Variants in SLC16A7 observed in about 807,000 individuals in gnomAD.
SLC16A7 encodes monocarboxylate transporter 2.
SLC16A7 carries 33 observed loss-of-function variants against 34.9 expected under a neutral mutation model. The observed-to-expected ratio is 0.94, with a 90% CI of 0.72 to 1.26. The LOEUF (loss-of-function observed/expected upper bound fraction) is 1.26. Ranked by LOEUF, SLC16A7 falls within the 50% of genes most tolerant of loss-of-function variation. The pLI, the probability that SLC16A7 is intolerant of heterozygous loss-of-function variation, is 0.00. For synonymous variants in SLC16A7, 201 were observed against 206.6 expected (o/e 0.97, Z 0.23); for missense variants, 573 against 578.1 (o/e 0.99, Z 0.09).
chr12:59,775,110 C>T lies in SLC16A7; in HGVS notation c.815C>T (p.Ala272Val). ...CCCATTATATTCTTGGCTCCATATG[C>T]TAAAGACCAAGGAATTGATGAGTAC... Reference protein sequence around the residue: ...FAPIIFLAPYAKDQGIDEYSA... With the variant: ...FAPIIFLAPYVKDQGIDEYSA... Residue 272 changes from alanine to valine, a missense_variant, in exon 5 of 6, where the codon GCT (alanine) becomes GTT (valine). Coordinates refer to ENST00000547379, the MANE Select transcript of SLC16A7 (RefSeq NM_001270623.2). The T allele has an allele frequency of 6.2e-7, 1 of 1,614,106 alleles. No individual in the cohort carries two copies. Among genetic ancestry groups the T allele is most frequent in the South Asian group, 1.1e-5 (1 of 91,078 alleles).
At chr12:59,755,976 G>T (rs1375806733) in intron 3 of SLC16A7, among the ~76,000 whole-genome samples, 135 of 152,008 alleles carry the variant, frequency 8.9e-4, no homozygotes, top group Non-Finnish European at 1.5e-3. Flanking sequence ...ATCTGATCTT[G>T]GACAAACCTG....
intron 1 of SLC16A7, among the ~76,000 whole-genome samples, chr12:59,597,355 C>T (rs1310124428): frequency 6.6e-6 from 1 of 152,046 alleles, no homozygotes; most frequent in African/African-American, 2.4e-5. Context: ...TCCTCCTTCC[C>T]TCTTGGGTCC....
chr12:59,653,927 A>T (rs1868404279), intron 1 of SLC16A7, among the ~76,000 whole-genome samples: 1 of 151,428 alleles, frequency 6.6e-6, no homozygotes, highest in African/African-American at 2.4e-5. Context: ...GAACAATCTA[A>T]TTTTTCTTGA....
intron 1 of SLC16A7, among the ~76,000 whole-genome samples, chr12:59,633,331 A>G (rs982849772): frequency 7.9e-5 from 12 of 152,048 alleles, no homozygotes; most frequent in Admixed American, 7.9e-4. Context: ...CAGATACATC[A>G]GATACTAATG....
intron 1 of SLC16A7, among the ~76,000 whole-genome samples, chr12:59,631,591 G>A (rs1179299127): frequency 6.6e-6 from 1 of 151,932 alleles, no homozygotes; most frequent in Non-Finnish European, 1.5e-5. Context: ...GTGCAAATTT[G>A]TTACATAGGT....
chr12:59,738,760 T>C (rs1409102608), intron 3 of SLC16A7, among the ~76,000 whole-genome samples: 1 of 151,796 alleles, frequency 6.6e-6, no homozygotes, highest in East Asian at 1.9e-4. Context: ...ATTTAACACT[T>C]AGGTACAAAA....
At chr12:59,649,912 GCA>G (rs1371579609) in intron 1 of SLC16A7, among the ~76,000 whole-genome samples, 2 of 151,956 alleles carry the variant, frequency 1.3e-5, no homozygotes, top group Non-Finnish European at 2.9e-5. Context: ...TCATGCCATT[GCA>G]CTCCAGTCTG....
chr12:59,681,635 G>A (rs564369247), intron 2 of SLC16A7, among the ~76,000 whole-genome samples: 2 of 152,266 alleles, frequency 1.3e-5, no homozygotes, highest in African/African-American at 4.8e-5. Flanking sequence ...AGGATGGAAG[G>A]AAACGGAATG....
intron 3 of SLC16A7, among the ~76,000 whole-genome samples, chr12:59,723,972 A>G (rs1270800559): frequency 6.6e-6 from 1 of 151,988 alleles, no homozygotes; most frequent in African/African-American, 2.4e-5. Flanking sequence ...TGCAAGTTAT[A>G]AAAACTCAAA....
chr12:59,681,154 G>A (rs1870716387), intron 2 of SLC16A7, among the ~76,000 whole-genome samples: 2 of 152,182 alleles, frequency 1.3e-5, no homozygotes, highest in African/African-American at 2.4e-5. Context: ...AAACATCATT[G>A]TGTTTAGAGT....
chr12:59,713,443 T>C (rs1403023148), intron 3 of SLC16A7, among the ~76,000 whole-genome samples: 1 of 152,244 alleles, frequency 6.6e-6, no homozygotes, highest in East Asian at 1.9e-4. Flanking sequence ...TCTGTAAAAA[T>C]TGAAATTAAT....
chr12:59,611,610 T>C (rs1279509091), intron 1 of SLC16A7, among the ~76,000 whole-genome samples: 1 of 152,192 alleles, frequency 6.6e-6, no homozygotes, highest in Non-Finnish European at 1.5e-5. Context: ...CATTTCAACC[T>C]TAACTCAAAA....
At chr12:59,767,723 T>G (rs547468897) in intron 3 of SLC16A7, among the ~76,000 whole-genome samples, 92 of 152,206 alleles carry the variant, frequency 6.0e-4, no homozygotes, top group African/African-American at 2.1e-3. Context: ...ACCCAGGAGC[T>G]CTGATAGAGA....
At position 59,789,417 on chromosome 12, in the gene SLC16A7, C is replaced by A. The variant is rs1026961528; in HGVS notation, c.*9738C>A. ...AATATTGAAATATGCAACAGCTAAA[C>A]TTTATGGTACATATTAATTAGTTTT... is the stretch of plus-strand genomic sequence containing the variant. On this transcript the variant is annotated 3_prime_UTR_variant, in exon 6 of 6. Transcript: ENST00000547379. 1 of 152,110 alleles carries A rather than the reference C, an allele frequency of 6.6e-6. No individual in the cohort carries two copies. The highest frequency in any genetic ancestry group is 1.5e-5 in the Non-Finnish European group (1 of 67,998). The allele number at this position is 152,110 out of a possible 1,614,324, so 9.4% of individuals were successfully genotyped here. A position where few individuals can be genotyped will look rare whatever the true frequency, so the allele number is the denominator to read the frequency against.
chr12:59,692,507 G>T (rs925500260), intron 2 of SLC16A7, among the ~76,000 whole-genome samples: 1 of 151,896 alleles, frequency 6.6e-6, no homozygotes, highest in Middle Eastern at 3.2e-3. Flanking sequence ...AAAAGTTTTG[G>T]ATTTTGAAGC....
intron 3 of SLC16A7, chr12:59,734,229 C>T (rs1877310883): frequency 1.1e-5 from 2 of 179,660 alleles, no homozygotes; most frequent in Admixed American, 5.8e-5. Context: ...CCCTCAGCTC[C>T]CCTGCCCCAG....
At position 59,697,120 on chromosome 12, in the gene SLC16A7, T is replaced by C. The variant is rs17120234; in HGVS notation, c.-30-7652T>C. On this transcript the variant is annotated intron_variant, in intron 2 of 5. Coordinates refer to ENST00000547379, the MANE Select transcript of SLC16A7 (RefSeq NM_001270623.2). ...CTTTTATAACAAAGCAGGAACAATTTAAGTAGTTGACAATTCAGAGAACTA... is the reference window on the plus strand; with the variant it reads ...CTTTTATAACAAAGCAGGAACAATTCAAGTAGTTGACAATTCAGAGAACTA... Among the ~76,000 whole-genome samples, 1,505 of 152,074 alleles carry C rather than the reference T, an allele frequency of 9.9e-3. 32 individuals carry two copies. Among genetic ancestry groups the C allele is most frequent in the African/African-American group, 0.034 (1,394 of 41,538 alleles).
intron 3 of SLC16A7, among the ~76,000 whole-genome samples, chr12:59,707,665 G>A (rs1466678106): frequency 6.6e-6 from 1 of 152,048 alleles, no homozygotes. Context: ...ATATGTCTAA[G>A]TTAAATATTA....
At chr12:59,752,969 G>T (rs1385882797) in intron 3 of SLC16A7, among the ~76,000 whole-genome samples, 3 of 152,158 alleles carry the variant, frequency 2.0e-5, no homozygotes, top group South Asian at 2.1e-4. Flanking sequence ...TTAAAGAAAA[G>T]AATTTTCAAC....
Sources: gnomAD v4.1 joint callset for allele counts (sites outside exome capture counted in the v4.1 genomes callset) on GRCh38, gnomAD v4.1.1 for gene constraint, MANE v1.5 for transcripts, NCBI Gene and HGNC (gene_info 2026-07-23, HGNC 2026-07-21) for gene names.